Variants in SLC14A1 observed in about 807,000 individuals in gnomAD.
The protein encoded by SLC14A1 is solute carrier family 14 member 1 (Kidd blood group).
A neutral mutation model predicts 39.6 loss-of-function variants in SLC14A1; 36 were observed. The ratio of observed to expected loss-of-function variants is 0.91; its 90% CI spans 0.70 to 1.20. The LOEUF (loss-of-function observed/expected upper bound fraction) is 1.20, where lower values mean the gene tolerates loss of function less well. Ranked by LOEUF, SLC14A1 falls within the 50% of genes most tolerant of loss-of-function variation. The pLI is 0.00. For missense variants in SLC14A1, 469 were observed against 478.7 expected, an observed-to-expected ratio of 0.98 and a Z score of 0.19; for synonymous variants, 164 against 173.6, an observed-to-expected ratio of 0.94 and a Z score of 0.43.
Position 45,752,211 on chromosome 18 carries a change from A to G in SLC14A1, c.*2260A>G. The stretch of plus-strand genomic sequence containing the variant: ...TGAAAGAAGAATTGTGGGGAAAAAA[A>G]AGCAAGCATAACCAAAGATCATCAG... On this transcript the variant is annotated 3_prime_UTR_variant, in exon 10 of 10. Coordinates refer to ENST00000321925, the MANE Select transcript of SLC14A1 (RefSeq NM_015865.7). 1.0e-6 allele frequency: 1 copy of G among 985,400 alleles called. No individual in the cohort carries two copies. The highest frequency in any genetic ancestry group is 1.2e-6 in the Non-Finnish European group (1 of 829,932). 61.0% of individuals were successfully genotyped at this position (985,400 alleles called of 1,614,324 possible). A position where few individuals can be genotyped will look rare whatever the true frequency, so the allele number is the denominator to read the frequency against.
chr18:45,731,831 A>G (rs1208750675), intron 4 of SLC14A1, among the ~76,000 whole-genome samples: 1 of 152,226 alleles, frequency 6.6e-6, no homozygotes, highest in Non-Finnish European at 1.5e-5. Flanking sequence ...CCCACTAGCC[A>G]GTTCCTTTAG....
At chr18:45,731,398 G>C in intron 4 of SLC14A1, 194 bp downstream of exon 4, 1 of 653,652 alleles carries the variant, frequency 1.5e-6, no homozygotes, top group Non-Finnish European at 2.8e-6. Flanking sequence ...CTGAATAAAT[G>C]GCTGGTCTAA....
intron 8 of SLC14A1, 48 bp downstream of exon 8, chr18:45,739,710 CTCAA>C: frequency 2.5e-6 from 4 of 1,613,110 alleles, no homozygotes; most frequent in African/African-American, 1.3e-5. Context: ...ACTACAGGAT[CTCAA>C]TCAAGGATAA....
chr18:45,734,532 G>A (rs1017370612), intron 5 of SLC14A1, 130 bp downstream of exon 5: 2 of 977,290 alleles, frequency 2.0e-6, no homozygotes, highest in Non-Finnish European at 3.2e-6. Context: ...GTATAGTGGT[G>A]ATGGTTGTAC....
At chr18:45,727,336 C>G (rs1260512153) in intron 2 of SLC14A1, 8 of 1,551,474 alleles carry the variant, frequency 5.2e-6, no homozygotes, top group Middle Eastern at 1.7e-4. Flanking sequence ...TGGAAGGACC[C>G]TTTTGGAACT....
intron 2 of SLC14A1, 108 bp from the exon 3 acceptor site, chr18:45,730,192 T>G: frequency 8.2e-7 from 1 of 1,216,988 alleles, no homozygotes; most frequent in Non-Finnish European, 1.1e-6. Context: ...GCTCTCTTAG[T>G]TCTATGGAAC....
intron 8 of SLC14A1, among the ~76,000 whole-genome samples, chr18:45,742,800 C>T (rs987583178): frequency 8.0e-5 from 12 of 149,202 alleles, no homozygotes; most frequent in African/African-American, 3.1e-4. Context: ...TCTTCTGCCT[C>T]AGCCTCCCCA....
At position 45,736,475 on chromosome 18, in the gene SLC14A1, T is replaced by A. The variant is rs1357007784; in HGVS notation, c.490T>A (p.Leu164Met). 1.9e-6 allele frequency: 3 copies of A among 1,614,214 alleles called. No individual in the cohort carries two copies. The East Asian group carries it at 6.7e-5, about 36-fold the overall frequency. The change falls in exon 6 of 10, where the codon TTG (leucine) becomes ATG (methionine). Residue 164 changes from leucine to methionine, a missense_variant. Physicochemically the swap from Leu to Met is conservative, Grantham distance 15 (BLOSUM62 2). Transcript: ENST00000321925. ...SMTCPIFSSA[L>M]NSMLSKWDLP... Reference sequence around the variant, plus strand: ...TTTTAGCCCAATTTTCTCAAGTGCATTGAATTCCATGCTCAGCAAATGGGA... The same window carrying A: ...TTTTAGCCCAATTTTCTCAAGTGCAATGAATTCCATGCTCAGCAAATGGGA...
At chr18:45,725,719 A>G (rs2046847069) in intron 2 of SLC14A1, among the ~76,000 whole-genome samples, 1 of 152,170 alleles carries the variant, frequency 6.6e-6, no homozygotes, top group African/African-American at 2.4e-5. Flanking sequence ...GAGCTGACCT[A>G]TTCCATAAGA....
At chr18:45,740,677 AC>A (rs2047348010) in intron 8 of SLC14A1, among the ~76,000 whole-genome samples, 2 of 152,128 alleles carry the variant, frequency 1.3e-5, no homozygotes, top group Non-Finnish European at 2.9e-5. Flanking sequence ...AGTAGCTAGG[AC>A]CACAGGCGTG....
At chr18:45,731,776 T>C (rs1366676283) in intron 4 of SLC14A1, 1 of 174,342 alleles carries the variant, frequency 5.7e-6, no homozygotes, top group African/African-American at 2.4e-5. Context: ...TGATCTGTCA[T>C]TGAAGAAGTG....
chr18:45,731,035 T>A lies in SLC14A1; in HGVS notation c.172T>A (p.Phe58Ile). ...TCCAGACAAACCCGTGGTGCTCCAGTTCATTGACTGGATTCTCCGGGGCAT... is the reference window on the plus strand; with the variant it reads ...TCCAGACAAACCCGTGGTGCTCCAGATCATTGACTGGATTCTCCGGGGCAT... The part of the protein sequence containing the change: ...QLKDKPVVLQ[F>I]IDWILRGISQ... The change falls in exon 4 of 10, where the codon TTC (phenylalanine) becomes ATC (isoleucine). Residue 58 changes from phenylalanine (F) to isoleucine (I), a missense_variant. Transcript: ENST00000321925. The A allele has an allele frequency of 1.2e-6, 2 of 1,614,192 alleles. No homozygotes were observed. Among genetic ancestry groups the A allele is most frequent in the Non-Finnish European group, 1.7e-6 (2 of 1,180,006 alleles).
At chr18:45,743,575 C>A (rs990449275) in intron 8 of SLC14A1, among the ~76,000 whole-genome samples, 1 of 152,146 alleles carries the variant, frequency 6.6e-6, no homozygotes, top group Non-Finnish European at 1.5e-5. Flanking sequence ...GCCTCAGTTT[C>A]CCCATCTTAG....
chr18:45,730,922 A>G, intron 3 of SLC14A1, 93 bp from the exon 4 acceptor site: 1 of 1,049,510 alleles, frequency 9.5e-7, no homozygotes, highest in South Asian at 1.3e-5. Context: ...TTTCACTTCC[A>G]GGAGGTTTTG....
chr18:45,727,671 A>G (rs2046912997), intron 2 of SLC14A1, among the ~76,000 whole-genome samples: 2 of 152,182 alleles, frequency 1.3e-5, no homozygotes, highest in Admixed American at 6.5e-5. Context: ...CCCTGTGTCT[A>G]TTTTATTAGA....
chr18:45,730,538 T>C (rs2090669622), intron 3 of SLC14A1, 67 bp downstream of exon 3: 2 of 1,520,596 alleles, frequency 1.3e-6, no homozygotes, highest in Non-Finnish European at 1.8e-6. Flanking sequence ...TTCCTGGTAC[T>C]TCTACTTATA....
intron 8 of SLC14A1, among the ~76,000 whole-genome samples, chr18:45,741,958 CA>C (rs1212170286): frequency 1.3e-5 from 2 of 152,104 alleles, no homozygotes; most frequent in Non-Finnish European, 2.9e-5. Flanking sequence ...ACACATGATA[CA>C]AAAGACAGTA....
rs112239592 is a variant in SLC14A1 at position 45,730,881 on chromosome 18, A to G, written c.152-134A>G. 8 of 815,264 alleles carry G rather than the reference A, an allele frequency of 9.8e-6. 1 individual carries two copies. The highest frequency in any genetic ancestry group is 6.7e-5 in the African/African-American group (4 of 59,612). 50.5% of individuals were successfully genotyped at this position (815,264 alleles called of 1,614,324 possible). On this transcript the variant is annotated intron_variant, in intron 3 of 9. Transcript: ENST00000321925. ...GTGCCACTAATGCAACAATGGGTTG[A>G]GAGAGAAATATTAAAGAAATATCAA...
rs542042053 is a variant in SLC14A1 at position 45,731,387 on chromosome 18, T to C, written c.341+183T>C. ...CAGTTACAGTCTCTTGCTCTTGATA[T>C]CTGAATAAATGGCTGGTCTAAATGA... On this transcript the variant is annotated intron_variant, in intron 4 of 9. Coordinates refer to ENST00000321925, the MANE Select transcript of SLC14A1 (RefSeq NM_015865.7). 11 of 669,700 alleles carry C rather than the reference T, an allele frequency of 1.6e-5. No individual in the cohort carries two copies. In the East Asian group the frequency reaches 3.0e-4, roughly 18 times the overall value. The allele number at this position is 669,700 out of a possible 1,614,324, so 41.5% of individuals were successfully genotyped here.
Sources: gnomAD v4.1 joint callset for allele counts (sites outside exome capture counted in the v4.1 genomes callset) on GRCh38, gnomAD v4.1.1 for gene constraint, MANE v1.5 for transcripts, NCBI Gene and HGNC (gene_info 2026-07-23, HGNC 2026-07-21) for gene names.